Variants in RHOBTB2 observed in about 807,000 individuals in gnomAD.
RHOBTB2 encodes the protein Rho related BTB domain containing 2, also known as rho-related BTB domain-containing protein 2.
Under a neutral mutation model 66.5 loss-of-function variants are expected in RHOBTB2, and 39 were observed. The ratio of observed to expected loss-of-function variants is 0.59; its 90% CI spans 0.45 to 0.77. The LOEUF (loss-of-function observed/expected upper bound fraction) is 0.77. Among genes scored for constraint, RHOBTB2 ranks in the 30% least tolerant of loss-of-function variants. The pLI, the probability that RHOBTB2 is intolerant of heterozygous loss-of-function variation, is 0.00. For missense variants in RHOBTB2, 755 were observed against 999.1 expected (o/e 0.76, Z 3.29); for synonymous variants, 390 against 395.0 (o/e 0.99, Z 0.15).
At chr8:23,000,734 G>A (rs963887439) in intron 1 of RHOBTB2, among the ~76,000 whole-genome samples, 6 of 152,152 alleles carry the variant, frequency 3.9e-5, no homozygotes, top group African/African-American at 7.2e-5. Flanking sequence ...CCCCGAATTA[G>A]GAGTCCACTC....
At chr8:22,958,288 G>A in the RHOBTB2 span, among the ~76,000 whole-genome samples, 1 of 152,196 alleles carries the variant, frequency 6.6e-6, no homozygotes, top group Non-Finnish European at 1.5e-5. Context: ...ATGAAGATGA[G>A]CTACATAAGT....
upstream of RHOBTB2, among the ~76,000 whole-genome samples, chr8:22,986,180 A>C (rs1270177575): frequency 1.3e-5 from 2 of 149,588 alleles, no homozygotes; most frequent in Non-Finnish European, 3.0e-5. Flanking sequence ...TTCGTATTTA[A>C]CTGATGAGGC....
rs1275981923 is a variant in RHOBTB2, at chr8:23,007,231, A to G, written c.986A>G (p.His329Arg). The G allele has an allele frequency of 9.3e-6, 15 of 1,609,808 alleles. No individual in the cohort carries two copies. The highest frequency in any genetic ancestry group is 1.1e-5 in the Non-Finnish European group (13 of 1,179,666). ...HQGHSDQHHH[H>R]HHHHHGRDFL... ...GGCCACTCTGATCAACACCACCACC[A>G]TCACCACCACCACCATGGGCGAGAC... The change falls in exon 5 of 10, where the codon CAT (histidine) becomes CGT (arginine). Residue 329 changes from histidine to arginine, a missense_variant. This residue lies in a region of RHOBTB2 where 247 missense variants were observed against 238.9 expected (regional missense o/e 1.03). Coordinates refer to ENST00000251822, the MANE Select transcript of RHOBTB2 (RefSeq NM_015178.3).
chr8:22,957,919 G>C, the RHOBTB2 span, among the ~76,000 whole-genome samples: 1 of 152,140 alleles, frequency 6.6e-6, no homozygotes. Flanking sequence ...AAGCCATGGA[G>C]GTTTGGGGAG....
chr8:22,955,019 T>C, the RHOBTB2 span, among the ~76,000 whole-genome samples: 1 of 152,112 alleles, frequency 6.6e-6, no homozygotes, highest in Non-Finnish European at 1.5e-5. Flanking sequence ...TAGTCCCAGC[T>C]ACTTGGGGGG....
At position 22,999,846 on chromosome 8, in the gene RHOBTB2, T is replaced by C. The variant is rs1302773454; in HGVS notation, c.-270T>C. 1.0e-6 allele frequency: 1 copy of C among 984,546 alleles called. No individual in the cohort carries two copies. Among genetic ancestry groups the C allele is most frequent in the Non-Finnish European group, 1.2e-6 (1 of 829,884 alleles). 61.0% of individuals were successfully genotyped at this position (984,546 alleles called of 1,614,324 possible). On this transcript the variant is annotated 5_prime_UTR_variant, in exon 1 of 10. It removes an upstream start codon present in the reference 5' UTR. Coordinates refer to ENST00000251822, the MANE Select transcript of RHOBTB2 (RefSeq NM_015178.3). ...ATTGGGCGCCTGGCGCGCGGGGCGA[T>C]GCTGATCCGGAAGGGGCAGCGGCTG... is the stretch of plus-strand genomic sequence containing the variant.
chr8:23,017,234 G>A lies in RHOBTB2; in HGVS notation c.1967-18G>A. The A allele has an allele frequency of 5.6e-6, 9 of 1,613,692 alleles. No homozygotes were observed. The highest frequency in any genetic ancestry group is 6.8e-6 in the Non-Finnish European group (8 of 1,179,684). ...CCTCTGCCTCCTTTCTAACCAAGCT[G>A]CCTGCTCTCTGCTCCAGAAAACCAG... is the stretch of plus-strand genomic sequence containing the variant. On this transcript the variant is annotated intron_variant, in intron 9 of 9. Coordinates refer to ENST00000251822, the MANE Select transcript of RHOBTB2 (RefSeq NM_015178.3). This position sits in a 1 kb window ranked among gnomAD's most constrained non-coding sequence, Gnocchi z 5.3.
chr8:22,955,345 T>C, the RHOBTB2 span, among the ~76,000 whole-genome samples: 3 of 152,070 alleles, frequency 2.0e-5, no homozygotes, highest in Non-Finnish European at 4.4e-5. Flanking sequence ...AGCACTTGCA[T>C]CCCAAACCAT....
intron 1 of RHOBTB2, among the ~76,000 whole-genome samples, chr8:23,001,075 G>A (rs536350440): frequency 1.3e-5 from 2 of 152,208 alleles, no homozygotes; most frequent in Non-Finnish European, 2.9e-5. Context: ...CTTGCACCAA[G>A]TACAAAGAGC....
In RHOBTB2 at chr8:22,999,868, G is replaced by C. The variant is rs1394819477; in HGVS notation, c.-248G>C. The C allele has an allele frequency of 1.0e-6, 1 of 984,928 alleles. No individual in the cohort carries two copies. Among genetic ancestry groups the C allele is most frequent in the Non-Finnish European group, 1.2e-6 (1 of 829,860 alleles). The allele number at this position is 984,928 out of a possible 1,614,324, so 61.0% of individuals were successfully genotyped here. A position where few individuals can be genotyped will look rare whatever the true frequency, so the allele number is the denominator to read the frequency against. The stretch of plus-strand genomic sequence containing the variant: ...CGATGCTGATCCGGAAGGGGCAGCG[G>C]CTGCAGTGCAGCGCGCGCGTCCGCT... On this transcript the variant is annotated 5_prime_UTR_variant, in exon 1 of 10. Coordinates refer to ENST00000251822, the MANE Select transcript of RHOBTB2 (RefSeq NM_015178.3).
At position 23,006,951 on chromosome 8, in the gene RHOBTB2, C is replaced by A. The variant is rs770545947; in HGVS notation, c.706C>A (p.Pro236Thr). ...RPLLQAPFLP[P>T]KPPPPIIVVP... ...TCTGCTGCAGGCACCCTTCCTACCC[C>A]CCAAGCCACCGCCCCCGATCATCGT... Residue 236 changes from proline (P) to threonine (T), a missense_variant, in exon 5 of 10, where the codon CCC becomes ACC. Pro to Thr is a conservative substitution (Grantham distance 38). Around this residue, in one of 7 missense-constraint regions of RHOBTB2, gnomAD observed 247 missense variants for 238.9 expected, o/e 1.03. Coordinates refer to ENST00000251822, the MANE Select transcript of RHOBTB2 (RefSeq NM_015178.3). The surrounding 1 kb of genome is among the most constrained non-coding windows in gnomAD (Gnocchi z 6.1). 4.3e-6 allele frequency: 7 copies of A among 1,612,268 alleles called. No individual in the cohort carries two copies. Among genetic ancestry groups the A allele is most frequent in the Non-Finnish European group, 5.9e-6 (7 of 1,180,018 alleles).
At position 23,020,030 on chromosome 8, in the gene RHOBTB2, A is replaced by G. The variant is rs1811455908; in HGVS notation, c.*2561A>G. The G allele has an allele frequency of 3.1e-6, 1 of 323,328 alleles. No individual in the cohort carries two copies. The highest frequency in any genetic ancestry group is 6.0e-6 in the Non-Finnish European group (1 of 165,334). The allele number at this position is 323,328 out of a possible 1,614,324, so 20.0% of individuals were successfully genotyped here. On this transcript the variant is annotated 3_prime_UTR_variant, in exon 10 of 10. Transcript: ENST00000251822. ...AGCCTGAAAACAGAGGGGAGGGAGGAAGGAAGGAGTCCCAGCAGGAGCACA... is the reference window on the plus strand; with the variant it reads ...AGCCTGAAAACAGAGGGGAGGGAGGGAGGAAGGAGTCCCAGCAGGAGCACA...
upstream of RHOBTB2, chr8:22,994,542 TCCTGTTCCTCACAA>T: frequency 2.0e-6 from 3 of 1,505,600 alleles, no homozygotes; most frequent in Non-Finnish European, 2.7e-6. Flanking sequence ...CCCCATCCAC[TCCTGTTCCTCACAA>T]CCAGGAGCCT....
chr8:22,965,703 G>C, the RHOBTB2 span, among the ~76,000 whole-genome samples: 1 of 152,090 alleles, frequency 6.6e-6, no homozygotes, highest in Non-Finnish European at 1.5e-5. Flanking sequence ...TCAACAAACG[G>C]TACTAGAAAA....
At chr8:22,965,048 A>G in the RHOBTB2 span, among the ~76,000 whole-genome samples, 5 of 152,158 alleles carry the variant, frequency 3.3e-5, no homozygotes, top group East Asian at 7.7e-4. Context: ...AATTCCTGAC[A>G]TCAGATAATC....
At chr8:22,968,530 G>A in the RHOBTB2 span, among the ~76,000 whole-genome samples, 1 of 152,170 alleles carries the variant, frequency 6.6e-6, no homozygotes, top group African/African-American at 2.4e-5. Flanking sequence ...TCATTTGGAA[G>A]AGTCAATGTG....
At chr8:22,978,517 C>A in the RHOBTB2 span, among the ~76,000 whole-genome samples, 106 of 148,038 alleles carry the variant, frequency 7.2e-4, no homozygotes, top group Non-Finnish European at 1.0e-3. Flanking sequence ...ACAAAAAAAA[C>A]CCCAAAACTT....
At chr8:23,016,866 G>A (rs1811307010) in intron 9 of RHOBTB2, among the ~76,000 whole-genome samples, 1 of 152,120 alleles carries the variant, frequency 6.6e-6, no homozygotes, top group South Asian at 2.1e-4. Flanking sequence ...TCCTGACTCC[G>A]TATTCCCCCT....
At chr8:22,997,360 C>G (rs528246911), upstream of RHOBTB2, among the ~76,000 whole-genome samples, 2 of 152,146 alleles carry the variant, frequency 1.3e-5, no homozygotes, top group African/African-American at 4.8e-5. Context: ...AAAGAGGGAA[C>G]TGCATGCAAA....
Sources: allele counts gnomAD v4.1 joint callset (sites outside exome capture counted in the v4.1 genomes callset), GRCh38; gene constraint gnomAD v4.1.1; regional missense constraint gnomAD v4.1.1; non-coding constraint Gnocchi (gnomAD v3.1); transcripts MANE v1.5; gene names NCBI Gene and HGNC (gene_info 2026-07-23, HGNC 2026-07-21).